Variants in SLC16A7 observed in about 807,000 individuals in gnomAD.
SLC16A7 encodes monocarboxylate transporter 2.
SLC16A7 carries 33 observed loss-of-function variants against 34.9 expected under a neutral mutation model. The observed-to-expected ratio is 0.94, with a 90% CI of 0.72 to 1.26. The LOEUF (loss-of-function observed/expected upper bound fraction) is 1.26. SLC16A7 is among the 50% of genes most tolerant of loss of function. The pLI is 0.00. For missense variants in SLC16A7, 573 were observed against 578.1 expected, an observed-to-expected ratio of 0.99 and a Z score of 0.09; for synonymous variants, 201 against 206.6, an observed-to-expected ratio of 0.97 and a Z score of 0.23.
intron 2 of SLC16A7, among the ~76,000 whole-genome samples, chr12:59,665,809 C>CGT (rs34983187): frequency 0.044 from 6,234 of 142,928 alleles, 168 homozygotes; most frequent in African/African-American, 0.086. Flanking sequence ...ATATATAACA[C>CGT]GTGTGTGTGT....
At chr12:59,753,545 A>G (rs1419696595) in intron 3 of SLC16A7, among the ~76,000 whole-genome samples, 2 of 152,150 alleles carry the variant, frequency 1.3e-5, no homozygotes, top group Non-Finnish European at 2.9e-5. Flanking sequence ...CAATTCAACA[A>G]GAAGAGCTAA....
intron 2 of SLC16A7, among the ~76,000 whole-genome samples, chr12:59,672,221 T>C (rs56199122): frequency 3.7e-4 from 38 of 104,082 alleles, no homozygotes; most frequent in African/African-American, 9.1e-4. Context: ...TATATATATG[T>C]GTATATATGC....
At chr12:59,628,161 A>G (rs1228097695) in intron 1 of SLC16A7, among the ~76,000 whole-genome samples, 1 of 151,756 alleles carries the variant, frequency 6.6e-6, no homozygotes, top group Non-Finnish European at 1.5e-5. Context: ...AATTCTTCAC[A>G]TTGACCTCAA....
rs577172616 is a variant in SLC16A7, at chr12:59,697,857, G to T, written c.-30-6915G>T. 1.4e-3 allele frequency among the ~76,000 whole-genome samples: 214 copies of T among 151,866 alleles called. 1 individual carries two copies. Among genetic ancestry groups the T allele is most frequent in the Middle Eastern group, 6.8e-3 (2 of 294 alleles). ...AATGACAGCAGATGGCATAATGGGT[G>T]AAATGTTTTCTTTTTCCAATTTCAA... is the stretch of plus-strand genomic sequence containing the variant. On this transcript the variant is annotated intron_variant, in intron 2 of 5. Coordinates refer to ENST00000547379, the MANE Select transcript of SLC16A7 (RefSeq NM_001270623.2).
At chr12:59,644,898 A>G (rs183065692) in intron 1 of SLC16A7, among the ~76,000 whole-genome samples, 136 of 152,352 alleles carry the variant, frequency 8.9e-4, no homozygotes, top group African/African-American at 2.7e-3. Flanking sequence ...AGTGGTTGAA[A>G]TGATTTTCAT....
intron 1 of SLC16A7, among the ~76,000 whole-genome samples, chr12:59,600,508 C>G (rs1878632848): frequency 2.0e-5 from 3 of 151,258 alleles, no homozygotes; most frequent in Non-Finnish European, 2.9e-5. Flanking sequence ...TTCTCAGTTG[C>G]TGCTATAAAT....
intron 3 of SLC16A7, among the ~76,000 whole-genome samples, chr12:59,765,466 G>A (rs1177371140): frequency 6.6e-6 from 1 of 152,144 alleles, no homozygotes; most frequent in African/African-American, 2.4e-5. Context: ...ATGGTTTTAG[G>A]TCTAACATGT....
rs891659603 is a variant in SLC16A7, at chr12:59,658,503, C to CA, written c.-31+3260dup. Among the ~76,000 whole-genome samples, 70 of 151,964 alleles carry CA rather than the reference C, an allele frequency of 4.6e-4. 1 individual carries two copies. The highest frequency in any genetic ancestry group is 3.4e-3 in the Middle Eastern group (1 of 294). ...CAGAGAAAAATAGGAACTATTTGAC[C>CA]AAAAAAATCACTGCTGTGAGTTAGT... On this transcript the variant is annotated intron_variant, in intron 2 of 5. Coordinates refer to ENST00000547379, the MANE Select transcript of SLC16A7 (RefSeq NM_001270623.2).
intron 1 of SLC16A7, among the ~76,000 whole-genome samples, chr12:59,651,631 T>TGTG (rs753207175): frequency 5.3e-5 from 8 of 152,172 alleles, no homozygotes; most frequent in East Asian, 3.9e-4. Flanking sequence ...AAGAGTATGA[T>TGTG]GTGGTGTCTC....
chr12:59,756,062 A>T (rs1880300388), intron 3 of SLC16A7, among the ~76,000 whole-genome samples: 1 of 152,244 alleles, frequency 6.6e-6, no homozygotes, highest in African/African-American at 2.4e-5. Flanking sequence ...ATATGGAGAA[A>T]GCTGAAACTG....
intron 3 of SLC16A7, among the ~76,000 whole-genome samples, chr12:59,767,078 G>T (rs1332309974): frequency 6.6e-6 from 1 of 151,832 alleles, no homozygotes; most frequent in Non-Finnish European, 1.5e-5. Context: ...ATGTGTTGCG[G>T]AATTTATCCA....
intron 2 of SLC16A7, among the ~76,000 whole-genome samples, chr12:59,676,078 G>T (rs1387299370): frequency 6.6e-6 from 1 of 152,134 alleles, no homozygotes; most frequent in Admixed American, 6.5e-5. Context: ...GTTCCCAAGT[G>T]TCTCTTGGGT....
chr12:59,771,050 T>C (rs1010813077), intron 3 of SLC16A7, among the ~76,000 whole-genome samples, 169 bp from the exon 4 acceptor site: 1 of 152,218 alleles, frequency 6.6e-6, no homozygotes, highest in African/African-American at 2.4e-5. Flanking sequence ...CCTGTCAAAC[T>C]GATCATTTGT....
chr12:59,683,151 C>T (rs1207987273), intron 2 of SLC16A7, among the ~76,000 whole-genome samples: 2 of 152,116 alleles, frequency 1.3e-5, no homozygotes, highest in Non-Finnish European at 2.9e-5. Flanking sequence ...TTTCTCAAAT[C>T]TACCAATCAT....
chr12:59,640,428 C>G (rs1880628135), intron 1 of SLC16A7, among the ~76,000 whole-genome samples: 1 of 151,230 alleles, frequency 6.6e-6, no homozygotes, highest in East Asian at 1.9e-4. Flanking sequence ...AACTTTATGC[C>G]CCCCCAGAGA....
chr12:59,728,775 C>A (rs772796346), intron 3 of SLC16A7, among the ~76,000 whole-genome samples: 16 of 152,166 alleles, frequency 1.1e-4, no homozygotes, highest in Non-Finnish European at 2.4e-4. Flanking sequence ...ATAATGAATG[C>A]CATTATGTGA....
intron 2 of SLC16A7, among the ~76,000 whole-genome samples, chr12:59,669,348 A>T (rs1426214642): frequency 6.6e-6 from 1 of 152,168 alleles, no homozygotes; most frequent in East Asian, 1.9e-4. Context: ...GTCTCTAACA[A>T]TTAAGATTGT....
At chr12:59,758,202 C>T (rs952938655) in intron 3 of SLC16A7, among the ~76,000 whole-genome samples, 2 of 151,996 alleles carry the variant, frequency 1.3e-5, no homozygotes, top group Non-Finnish European at 2.9e-5. Context: ...CCATGCTTTA[C>T]TGTACACTTA....
intron 3 of SLC16A7, among the ~76,000 whole-genome samples, chr12:59,737,508 G>C (rs1877737274): frequency 1.3e-5 from 2 of 152,102 alleles, no homozygotes; most frequent in South Asian, 4.1e-4. Flanking sequence ...TGTCCTCTTA[G>C]GCATTTGATT....
Sources: allele counts gnomAD v4.1 joint callset (sites outside exome capture counted in the v4.1 genomes callset), GRCh38; gene constraint gnomAD v4.1.1; transcripts MANE v1.5; gene names NCBI Gene and HGNC (gene_info 2026-07-23, HGNC 2026-07-21).